The following ACTR3C variants were observed in gnomAD, a reference collection of about 807,000 sequenced individuals.
ACTR3C encodes actin related protein 3C.
A neutral mutation model predicts 26.3 loss-of-function variants in ACTR3C; 18 were observed. That is an observed-to-expected ratio of 0.68 (90% CI 0.47 to 1.01). ACTR3C has a LOEUF of 1.01. Among genes scored for constraint, ACTR3C ranks in the 50% least tolerant of loss-of-function variants. The pLI, the probability that ACTR3C is intolerant of heterozygous loss-of-function variation, is 0.00. For missense variants in ACTR3C, 184 were observed against 250.7 expected, an observed-to-expected ratio of 0.73 and a Z score of 1.80; for synonymous variants, 55 against 94.5, an observed-to-expected ratio of 0.58 and a Z score of 2.42.
chr7:150,232,103 C>T, the ACTR3C span, among the ~76,000 whole-genome samples: 1 of 152,004 alleles, frequency 6.6e-6, no homozygotes, highest in Non-Finnish European at 1.5e-5. Context: ...AGAATTGATC[C>T]CTTTATCGTT....
At chr7:149,940,057 A>G in the ACTR3C span, among the ~76,000 whole-genome samples, 1 of 144,576 alleles carries the variant, frequency 6.9e-6, no homozygotes, top group Admixed American at 7.1e-5. Flanking sequence ...CATAGGAACA[A>G]ATTTATTATA....
At chr7:150,085,256 A>T in the ACTR3C span, among the ~76,000 whole-genome samples, 1 of 152,198 alleles carries the variant, frequency 6.6e-6, no homozygotes, top group Non-Finnish European at 1.5e-5. Context: ...AATCCTCATC[A>T]TATGGCCAGT....
intron 4 of ACTR3C, 83 bp downstream of exon 4, chr7:150,289,367 G>A (rs1836034349): frequency 6.8e-7 from 1 of 1,464,226 alleles, no homozygotes; most frequent in Non-Finnish European, 9.0e-7. Context: ...GAAAGGAGGG[G>A]CAGGGATGAT....
chr7:149,918,668 C>G, the ACTR3C span, among the ~76,000 whole-genome samples: 1 of 152,104 alleles, frequency 6.6e-6, no homozygotes, highest in Non-Finnish European at 1.5e-5. Context: ...CCAGCCTGGG[C>G]AACAAGAGCA....
At chr7:149,915,367 A>G in the ACTR3C span, among the ~76,000 whole-genome samples, 1 of 152,286 alleles carries the variant, frequency 6.6e-6, no homozygotes, top group South Asian at 2.1e-4. Context: ...CAACAGCAAT[A>G]GAATGTTACC....
At chr7:149,895,708 T>C in the ACTR3C span, among the ~76,000 whole-genome samples, 5 of 152,030 alleles carry the variant, frequency 3.3e-5, no homozygotes, top group Admixed American at 6.6e-5. Context: ...ATGGCACACA[T>C]GCCTGTAGTC....
At chr7:150,169,956 C>A in the ACTR3C span, among the ~76,000 whole-genome samples, 1 of 149,792 alleles carries the variant, frequency 6.7e-6, no homozygotes, top group South Asian at 2.1e-4. Flanking sequence ...TTAGGTAGTT[C>A]TTATTGTATA....
the ACTR3C span, among the ~76,000 whole-genome samples, chr7:150,083,938 A>G: frequency 7.9e-5 from 12 of 152,334 alleles, no homozygotes; most frequent in South Asian, 1.7e-3. Flanking sequence ...AGTTCCCCCA[A>G]AATCTAAAAC....
the ACTR3C span, among the ~76,000 whole-genome samples, chr7:150,141,757 T>C: frequency 6.6e-6 from 1 of 151,990 alleles, no homozygotes; most frequent in Non-Finnish European, 1.5e-5. Flanking sequence ...GTAAAGATTA[T>C]TACTACAAGC....
At chr7:149,899,027 G>GT in the ACTR3C span, among the ~76,000 whole-genome samples, 1 of 151,980 alleles carries the variant, frequency 6.6e-6, no homozygotes, top group Non-Finnish European at 1.5e-5. Context: ...CCCCAAGTGA[G>GT]TGTCAACAAA....
At chr7:149,942,136 A>ATG in the ACTR3C span, among the ~76,000 whole-genome samples, 9 of 151,838 alleles carry the variant, frequency 5.9e-5, no homozygotes, top group South Asian at 6.2e-4. Context: ...GTGTGCGTGC[A>ATG]TGTGTGTGTG....
At chr7:150,012,886 TC>T in the ACTR3C span, among the ~76,000 whole-genome samples, 3 of 152,246 alleles carry the variant, frequency 2.0e-5, no homozygotes, top group Admixed American at 6.5e-5. Flanking sequence ...GCGGCTTGGT[TC>T]CGCTCATGAA....
the ACTR3C span, among the ~76,000 whole-genome samples, chr7:149,943,149 C>G: frequency 6.7e-6 from 1 of 149,338 alleles, no homozygotes; most frequent in Non-Finnish European, 1.5e-5. Context: ...CACAGTCACA[C>G]CCGTTCATCT....
chr7:150,058,929 C>A, the ACTR3C span, among the ~76,000 whole-genome samples: 12 of 151,910 alleles, frequency 7.9e-5, no homozygotes, highest in African/African-American at 2.4e-4. Context: ...AAAAAACAAA[C>A]AAAAAAACAA....
chr7:150,050,786 T>C, the ACTR3C span, among the ~76,000 whole-genome samples: 1 of 151,956 alleles, frequency 6.6e-6, no homozygotes, highest in Non-Finnish European at 1.5e-5. Flanking sequence ...ACTTGCACAC[T>C]GAACGCGGTG....
chr7:150,152,083 A>T, the ACTR3C span, among the ~76,000 whole-genome samples: 2 of 151,402 alleles, frequency 1.3e-5, no homozygotes, highest in Non-Finnish European at 2.9e-5. Context: ...TGTCATTTGC[A>T]AACAGGGACA....
chr7:150,108,642 G>C, the ACTR3C span, among the ~76,000 whole-genome samples: 1 of 150,114 alleles, frequency 6.7e-6, no homozygotes, highest in Non-Finnish European at 1.5e-5. Context: ...TTTAAAAAAT[G>C]GGGTTGCAGG....
chr7:149,881,628 A>AGTT, the ACTR3C span: 1 of 152,972 alleles, frequency 6.5e-6, no homozygotes, highest in Non-Finnish European at 1.5e-5. Flanking sequence ...CAGGAGGCAG[A>AGTT]GTTGGAGCCA....
chr7:150,278,428 T>G lies in ACTR3C; in HGVS notation c.564+6325A>C, dbSNP rs73728109. Among the ~76,000 whole-genome samples the G allele has an allele frequency of 1.3e-3, 201 of 152,310 alleles. 1 individual carries two copies. The highest frequency in any genetic ancestry group is 4.7e-3 in the African/African-American group (194 of 41,548). On this transcript the variant is annotated intron_variant, in intron 6 of 7. Coordinates refer to ENST00000683684, the MANE Select transcript of ACTR3C (RefSeq NM_001164458.2). ...ACACTGCCATCACCACTGAGCACCA[T>G]TGGAGAGCACGGACTCGGATTCTCA...
Sources: gnomAD v4.1 joint callset for allele counts (sites outside exome capture counted in the v4.1 genomes callset) on GRCh38, gnomAD v4.1.1 for gene constraint, MANE v1.5 for transcripts, NCBI Gene and HGNC (gene_info 2026-07-23, HGNC 2026-07-21) for gene names.